ZNF587B: variants seen among roughly 807,000 people sequenced by gnomAD.
ZNF587B encodes the protein zinc finger protein 587B.
ZNF587B carries 6 observed loss-of-function variants against 7.2 expected under a neutral mutation model. That is an observed-to-expected ratio of 0.83 (90% CI 0.46 to 1.65). The LOEUF is 1.65. Among genes scored for constraint, ZNF587B ranks in the 40% most tolerant of loss-of-function variants. ZNF587B has a pLI of 0.01. For missense variants in ZNF587B, 749 were observed against 761.0 expected (o/e 0.98, Z 0.19); for synonymous variants, 274 against 254.3 (o/e 1.08, Z -0.74).
intron 1 of ZNF587B, among the ~76,000 whole-genome samples, chr19:57,832,662 G>T (rs147717700): frequency 0.056 from 8,595 of 152,222 alleles, 14 homozygotes; most frequent in Middle Eastern, 0.088. Context: ...GGTCTTCACA[G>T]TCTGGGCTCA....
chr19:57,832,578 C>T (rs537039395), intron 1 of ZNF587B, among the ~76,000 whole-genome samples: 6 of 152,296 alleles, frequency 3.9e-5, no homozygotes, highest in South Asian at 2.1e-4. Context: ...GGTGAGGTCA[C>T]GTTTTCCTGG....
At position 57,842,540 on chromosome 19, in the gene ZNF587B, TTA is replaced by T. The variant is rs1176667130; in HGVS notation, c.1867_1868del (p.Tyr623ProfsTer6). ...KKFRKSSSLRYHQRVHERKAL is the reference protein window; with the variant it reads ...KKFRKSSSLRXHQRVHERKAL ...AATTTAGGAAAAGCTCTTCACTTCG[TTA>T]CCATCAGAGAGTTCATGAAAGAAAG... On this transcript the variant is annotated frameshift_variant, in exon 3 of 3. Coordinates refer to ENST00000594901, the MANE Select transcript of ZNF587B (RefSeq NM_001376223.1). LOFTEE classifies it low-confidence loss of function (END_TRUNC). 6.5e-7 allele frequency: 1 copy of T among 1,544,430 alleles called. No individual in the cohort carries two copies. The highest frequency in any genetic ancestry group is 8.7e-7 in the Non-Finnish European group (1 of 1,153,398).
rs1257972659 is a variant in ZNF587B, at chr19:57,831,494, G to A, written c.36+930G>A. ...CGCAATCTCCGCCTCCTGGGTTCAA[G>A]CGATTCTCCTGCCTCAGCCTCCCGA... On this transcript the variant is annotated intron_variant, in intron 1 of 2. Transcript: ENST00000594901. Among the ~76,000 whole-genome samples the A allele has an allele frequency of 2.0e-5, 3 of 152,194 alleles. No homozygotes were observed. The East Asian group carries it at 5.8e-4, about 29-fold the overall frequency.
chr19:57,837,446 T>G (rs1316943614), intron 1 of ZNF587B, among the ~76,000 whole-genome samples: 1 of 151,028 alleles, frequency 6.6e-6, no homozygotes, highest in Non-Finnish European at 1.5e-5. Context: ...TTTGTTTTTT[T>G]TTTTTGGTTT....
At chr19:57,840,165 G>A (rs1988785259) in intron 2 of ZNF587B, among the ~76,000 whole-genome samples, 1 of 148,890 alleles carries the variant, frequency 6.7e-6, no homozygotes, top group Non-Finnish European at 1.5e-5. Flanking sequence ...AGCATACCAG[G>A]AACCTATTCT....
rs1300897689 is a variant in ZNF587B at position 57,841,442 on chromosome 19, C to T, written c.768C>T (p.Ser256=). The T allele has an allele frequency of 1.2e-5, 19 of 1,584,832 alleles. No individual in the cohort carries two copies. The highest frequency in any genetic ancestry group is 1.2e-4 in the East Asian group (5 of 43,282). Residue 256 remains serine (S), a synonymous_variant, in exon 3 of 3, where the codon AGC becomes AGT. Transcript: ENST00000594901. ...GGAAATCCTTTAGCAAATATGTTAG[C>T]TTCAGTAATCATCAGAGAGTTCACA... The part of the protein sequence containing the change: ...ECGKSFSKYV[S]FSNHQRVHSG...
chr19:57,841,327 A>T lies in ZNF587B; in HGVS notation c.653A>T (p.Asp218Val). ...GGGGGAGCTCACTATAGCCATGGAG[A>T]TTCCATGAAACATTTTAGCACCAAA... ...QCGGAHYSHGDSMKHFSTKHI... is the reference protein window; with the variant it reads ...QCGGAHYSHGVSMKHFSTKHI... The change falls in exon 3 of 3, where the codon GAT becomes GTT. Residue 218 changes from aspartate to valine, a missense_variant. By Grantham distance (152) the Asp-to-Val change is radical. Coordinates refer to ENST00000594901, the MANE Select transcript of ZNF587B (RefSeq NM_001376223.1). 1 of 1,610,508 alleles carries T rather than the reference A, an allele frequency of 6.2e-7. No homozygotes were observed. Among genetic ancestry groups the T allele is most frequent in the Non-Finnish European group, 8.5e-7 (1 of 1,178,058 alleles).
At position 57,841,513 on chromosome 19, in the gene ZNF587B, G is replaced by C. The variant is rs746453858; in HGVS notation, c.839G>C (p.Ser280Thr). The C allele has an allele frequency of 2.5e-6, 4 of 1,584,702 alleles. No homozygotes were observed. The highest frequency in any genetic ancestry group is 3.4e-6 in the Non-Finnish European group (4 of 1,164,900). Reference protein sequence around the residue: ...YECGECEKSFSQKSSLIQHQQ... With the variant: ...YECGECEKSFTQKSSLIQHQQ... Reference sequence around the variant, plus strand: ...TGTGGAGAATGTGAGAAATCTTTTAGTCAAAAGAGCAGCCTCATTCAACAT... The same window carrying C: ...TGTGGAGAATGTGAGAAATCTTTTACTCAAAAGAGCAGCCTCATTCAACAT... The change falls in exon 3 of 3, where the codon AGT becomes ACT. Residue 280 changes from serine to threonine, a missense_variant. Ser to Thr is a moderately conservative substitution (Grantham distance 58). This residue lies in a region of ZNF587B where 656 missense variants were observed against 596.5 expected (regional missense o/e 1.10). Coordinates refer to ENST00000594901, the MANE Select transcript of ZNF587B (RefSeq NM_001376223.1).
In ZNF587B at chr19:57,843,352, GA is replaced by G; in HGVS notation, c.*782del. 1.0e-6 allele frequency: 1 copy of G among 985,208 alleles called. No individual in the cohort carries two copies. Among genetic ancestry groups the G allele is most frequent in the South Asian group, 4.7e-5 (1 of 21,286 alleles). 61.0% of individuals were successfully genotyped at this position (985,208 alleles called of 1,614,324 possible). A position where few individuals can be genotyped will look rare whatever the true frequency, so the allele number is the denominator to read the frequency against. ...TTTGAGGGCACCATGTGCCCAAATT[GA>G]AAAAACTCCAGGCATGTGGCATCTG... On this transcript the variant is annotated 3_prime_UTR_variant, in exon 3 of 3. Transcript: ENST00000594901.
rs1989026449 is a variant in ZNF587B, at chr19:57,845,390, C to T, written c.*2814C>T. On this transcript the variant is annotated 3_prime_UTR_variant, in exon 3 of 3. Coordinates refer to ENST00000594901, the MANE Select transcript of ZNF587B (RefSeq NM_001376223.1). ...TTCCATAATAATGAATGTTGTGTAG[C>T]TAAGCTTTGGTCAGAGGAAATAATC... is the stretch of plus-strand genomic sequence containing the variant. 6.6e-6 allele frequency: 1 copy of T among 152,162 alleles called. No individual in the cohort carries two copies. Among genetic ancestry groups the T allele is most frequent in the Admixed American group, 6.5e-5 (1 of 15,272 alleles). 9.4% of individuals were successfully genotyped at this position (152,162 alleles called of 1,614,324 possible).
Position 57,842,561 on chromosome 19 carries a change from A to G in ZNF587B, c.1887A>G (p.Glu629=). The G allele has an allele frequency of 6.6e-7, 1 of 1,524,378 alleles. No individual in the cohort carries two copies. The highest frequency in any genetic ancestry group is 8.7e-7 in the Non-Finnish European group (1 of 1,143,248). 94.4% of individuals were successfully genotyped at this position (1,524,378 alleles called of 1,614,324 possible). The part of the protein sequence containing the change: ...SSLRYHQRVH[E]RKAL ...TTCGTTACCATCAGAGAGTTCATGA[A>G]AGAAAGGCCTTATGAGTGCAGAGAA... Residue 629 remains glutamate (E), a synonymous_variant, in exon 3 of 3, where the codon GAA becomes GAG. Coordinates refer to ENST00000594901, the MANE Select transcript of ZNF587B (RefSeq NM_001376223.1).
Position 57,841,931 on chromosome 19 carries a change from T to C in ZNF587B, c.1257T>C (p.Phe419=). 1.2e-6 allele frequency: 2 copies of C among 1,613,674 alleles called. No individual in the cohort carries two copies. The highest frequency in any genetic ancestry group is 2.2e-5 in the East Asian group (1 of 44,830). ...AGTGTGGAGACTGTGGGAAATCTTT[T>C]AATGAAAAAGGACACCTTAGGAGTC... is the stretch of plus-strand genomic sequence containing the variant. ...PYKCGDCGKS[F]NEKGHLRSHQ... Residue 419 remains phenylalanine, a synonymous_variant, in exon 3 of 3, where the codon TTT becomes TTC. Coordinates refer to ENST00000594901, the MANE Select transcript of ZNF587B (RefSeq NM_001376223.1).
rs1428404083 is a variant in ZNF587B, at chr19:57,844,600, G to A, written c.*2024G>A. ...TAGCTGCCCAAGGCCTCCAGTGGACGACTTCATGGCTTTGTGGTCTTCATC... is the reference window on the plus strand; with the variant it reads ...TAGCTGCCCAAGGCCTCCAGTGGACAACTTCATGGCTTTGTGGTCTTCATC... On this transcript the variant is annotated 3_prime_UTR_variant, in exon 3 of 3. Coordinates refer to ENST00000594901, the MANE Select transcript of ZNF587B (RefSeq NM_001376223.1). The A allele has an allele frequency of 6.4e-6, 1 of 156,440 alleles. No homozygotes were observed. The highest frequency in any genetic ancestry group is 2.4e-5 in the African/African-American group (1 of 41,466). The allele number at this position is 156,440 out of a possible 1,614,324, so 9.7% of individuals were successfully genotyped here.
At chr19:57,835,441 C>G (rs1988563697) in intron 1 of ZNF587B, among the ~76,000 whole-genome samples, 1 of 125,502 alleles carries the variant, frequency 8.0e-6, no homozygotes, top group African/African-American at 3.2e-5. Flanking sequence ...ACTGCAACCT[C>G]TGCCTCCCAG....
At position 57,842,904 on chromosome 19, in the gene ZNF587B, A is replaced by G. The variant is rs1013464951; in HGVS notation, c.*328A>G. The G allele has an allele frequency of 4.0e-5, 39 of 985,356 alleles. No individual in the cohort carries two copies. The highest frequency in any genetic ancestry group is 4.6e-5 in the Non-Finnish European group (38 of 829,960). The allele number at this position is 985,356 out of a possible 1,614,324, so 61.0% of individuals were successfully genotyped here. On this transcript the variant is annotated 3_prime_UTR_variant, in exon 3 of 3. Transcript: ENST00000594901. ...ATGCCTTTTGAATGTAATGTTTGCA[A>G]AAAAGCACTGTGCCTTCTGTCATTG...
In ZNF587B at chr19:57,830,466, C is replaced by T. The variant is rs776767760; in HGVS notation, c.-63C>T. 1.5e-4 allele frequency: 223 copies of T among 1,533,218 alleles called. No individual in the cohort carries two copies. Among genetic ancestry groups the T allele is most frequent in the Non-Finnish European group, 1.9e-4 (214 of 1,135,256 alleles). 95.0% of individuals were successfully genotyped at this position (1,533,218 alleles called of 1,614,324 possible). ...ACCCCTGGGCCAGGATAGGGACCGT[C>T]ATGCCCATATCTCCTGGCTGGTCAC... is the stretch of plus-strand genomic sequence containing the variant. On this transcript the variant is annotated 5_prime_UTR_variant, in exon 1 of 3. Coordinates refer to ENST00000594901, the MANE Select transcript of ZNF587B (RefSeq NM_001376223.1).
Position 57,842,249 on chromosome 19 carries a change from T to G in ZNF587B, c.1575T>G (p.Ser525Arg), listed in dbSNP as rs1424101823. Residue 525 changes from serine to arginine, a missense_variant, in exon 3 of 3, where the codon AGT becomes AGG. Around this residue, in one of 3 missense-constraint regions of ZNF587B, gnomAD observed 656 missense variants for 596.5 expected, o/e 1.10. Transcript: ENST00000594901. ...CTGGAGAAAGGCCATATGAATGCAGTGATTGTGGGAAGTCATTTACCCACA... is the reference window on the plus strand; with the variant it reads ...CTGGAGAAAGGCCATATGAATGCAGGGATTGTGGGAAGTCATTTACCCACA... ...VHTGERPYECSDCGKSFTHSC... is the reference protein window; with the variant it reads ...VHTGERPYECRDCGKSFTHSC... The G allele has an allele frequency of 6.2e-7, 1 of 1,613,486 alleles. No homozygotes were observed.
At chr19:57,830,803 T>A (rs1238274573) in intron 1 of ZNF587B, among the ~76,000 whole-genome samples, 10 of 151,190 alleles carry the variant, frequency 6.6e-5, no homozygotes, top group African/African-American at 2.2e-4. Flanking sequence ...TCCGTTTATT[T>A]AAAAAAAAAT....
Position 57,845,894 on chromosome 19 carries a change from G to C in ZNF587B, c.*3318G>C, listed in dbSNP as rs1371320502. The C allele has an allele frequency of 6.6e-6, 1 of 152,126 alleles. No homozygotes were observed. Among genetic ancestry groups the C allele is most frequent in the African/African-American group, 2.4e-5 (1 of 41,428 alleles). 9.4% of individuals were successfully genotyped at this position (152,126 alleles called of 1,614,324 possible). On this transcript the variant is annotated 3_prime_UTR_variant, in exon 3 of 3. Coordinates refer to ENST00000594901, the MANE Select transcript of ZNF587B (RefSeq NM_001376223.1). ...GATGTGGGAGGATTGCTTGAGCCTG[G>C]GAGGCAGAAGTTGCAGTGAGCTAAG...
Sources: allele counts gnomAD v4.1 joint callset (sites outside exome capture counted in the v4.1 genomes callset), GRCh38; gene constraint gnomAD v4.1.1; regional missense constraint gnomAD v4.1.1; transcripts MANE v1.5; gene names NCBI Gene and HGNC (gene_info 2026-07-23, HGNC 2026-07-21).